ATP2B3: variants seen among roughly 807,000 people sequenced by gnomAD.
The protein encoded by ATP2B3 is ATPase plasma membrane Ca2+ transporting 3.
Under a neutral mutation model 70.8 loss-of-function variants are expected in ATP2B3, and 12 were observed. The ratio of observed to expected loss-of-function variants is 0.17; its 90% CI spans 0.11 to 0.27. The LOEUF is 0.27. ATP2B3 is among the 10% of genes least tolerant of loss of function. The pLI is 1.00. For synonymous variants in ATP2B3, 460 were observed against 497.8 expected, an observed-to-expected ratio of 0.92 and a Z score of 1.01; for missense variants, 858 against 1,118.5, an observed-to-expected ratio of 0.77 and a Z score of 3.32.
chrX:153,571,003 TACACACACAC>T (rs879951205), intron 21 of ATP2B3, among the ~76,000 whole-genome samples: 6 of 87,635 alleles, frequency 6.8e-5, no homozygotes, highest in Admixed American at 1.3e-4. Context: ...CGTGCGCGCG[TACACACACAC>T]ACACACACAC....
chrX:153,569,860 G>A, intron 21 of ATP2B3: 6 of 962,197 alleles, frequency 6.2e-6, no homozygotes, highest in South Asian at 4.5e-5. Flanking sequence ...TCCGCTCACC[G>A]TGGCTTTTCT....
chrX:153,557,196 C>T (rs781993531), intron 16 of ATP2B3, among the ~76,000 whole-genome samples, 173 bp downstream of exon 16: 3 of 111,813 alleles, frequency 2.7e-5, no homozygotes, highest in Non-Finnish European at 5.7e-5. Flanking sequence ...CTCTGCCAGT[C>T]GGGGGACATG....
chrX:153,558,103 C>A lies in ATP2B3; in HGVS notation c.2434-9C>A. 1 of 1,195,459 alleles carries A rather than the reference C, an allele frequency of 8.4e-7. No individual in the cohort carries two copies. The highest frequency in any genetic ancestry group is 2.2e-5 in the Admixed American group (1 of 44,986). On this transcript the variant is annotated splice_polypyrimidine_tract_variant and intron_variant, in intron 16 of 21. Coordinates refer to ENST00000263519, the MANE Select transcript of ATP2B3 (RefSeq NM_001001344.3). ...ACACTCTGTGTGAGTGTGTGTGTCA[C>A]CCCCCCAGGGCATCGCAGGGACCGA...
intron 21 of ATP2B3, among the ~76,000 whole-genome samples, chrX:153,571,901 C>T (rs917902065): frequency 1.8e-5 from 2 of 112,780 alleles, no homozygotes; most frequent in African/African-American, 6.4e-5. Context: ...AAGATGCTGG[C>T]TGGGGACCTG....
chrX:153,527,356 C>A (rs1557000217), intron 2 of ATP2B3, among the ~76,000 whole-genome samples: 1 of 113,168 alleles, frequency 8.8e-6, no homozygotes, highest in Admixed American at 9.2e-5. Context: ...GTCCCCATGC[C>A]GTCCCTGCCT....
chrX:153,565,149 G>A (rs782395742), intron 21 of ATP2B3, 46 bp downstream of exon 21: 2 of 1,130,487 alleles, frequency 1.8e-6, no homozygotes, highest in South Asian at 2.0e-5. Flanking sequence ...CCCCAAGAGG[G>A]TAGAGGCAAG....
At chrX:153,578,362 C>T (rs2090882383) in intron 21 of ATP2B3, among the ~76,000 whole-genome samples, 1 of 112,959 alleles carries the variant, frequency 8.9e-6, no homozygotes, top group East Asian at 2.8e-4. Context: ...GCTCCGTCTG[C>T]TGCCCCCTAT....
chrX:153,561,656 T>A (rs1261555754), intron 19 of ATP2B3, among the ~76,000 whole-genome samples: 1 of 112,159 alleles, frequency 8.9e-6, no homozygotes, highest in Non-Finnish European at 1.9e-5. Flanking sequence ...TCCCTGGCTG[T>A]CTGGTACCTG....
intron 13 of ATP2B3, among the ~76,000 whole-genome samples, chrX:153,555,096 G>A (rs1391836844): frequency 9.8e-5 from 11 of 111,889 alleles, no homozygotes; most frequent in Admixed American, 5.6e-4. Context: ...CAGAGAGTAC[G>A]AAGTGTCCCC....
chrX:153,533,754 G>A (rs1203389727), intron 2 of ATP2B3, among the ~76,000 whole-genome samples: 6 of 111,734 alleles, frequency 5.4e-5, no homozygotes, highest in African/African-American at 2.0e-4. Context: ...CTCCCCATGA[G>A]TCACTGTGGG....
At chrX:153,556,772 G>A in intron 15 of ATP2B3, 145 bp from the exon 16 acceptor site, 1 of 562,996 alleles carries the variant, frequency 1.8e-6, no homozygotes, top group African/African-American at 2.2e-5. Context: ...AGGTGACGGG[G>A]AGCACAGATA....
At position 153,535,665 on chromosome X, in the gene ATP2B3, G is replaced by A. The variant is rs970095495; in HGVS notation, c.-126-457G>A. 1.2e-4 allele frequency among the ~76,000 whole-genome samples: 13 copies of A among 112,602 alleles called. 1 individual carries two copies. The South Asian group carries it at 4.7e-3, about 41-fold the overall frequency. ...TCATGGCATGCCCGCTGCACAGGGC[G>A]CATCTTAACCAGGCAAGAGCAGGGA... is the stretch of plus-strand genomic sequence containing the variant. On this transcript the variant is annotated intron_variant, in intron 2 of 21. Coordinates refer to ENST00000263519, the MANE Select transcript of ATP2B3 (RefSeq NM_001001344.3).
chrX:153,521,827 C>T (rs1016835231), intron 2 of ATP2B3, among the ~76,000 whole-genome samples: 4 of 112,225 alleles, frequency 3.6e-5, no homozygotes, highest in Non-Finnish European at 5.6e-5. Flanking sequence ...TGGTGGCTAC[C>T]GTCACAGACA....
intron 8 of ATP2B3, among the ~76,000 whole-genome samples, chrX:153,547,128 G>A (rs1169684707): frequency 9.0e-6 from 1 of 111,633 alleles, no homozygotes; most frequent in Non-Finnish European, 1.9e-5. Context: ...AGAAGAGGGA[G>A]GTGGGGTGGC....
At chrX:153,559,022 T>A (rs1390004593) in intron 17 of ATP2B3, among the ~76,000 whole-genome samples, 3 of 74,514 alleles carry the variant, frequency 4.0e-5, no homozygotes, top group Admixed American at 1.8e-4. Flanking sequence ...CAACTTGGTC[T>A]TTTCAAAACA....
rs781847026 is a variant in ATP2B3, at chrX:153,550,085, A to G, written c.1622A>G (p.Asn541Ser). Reference protein sequence around the residue: ...KEGALPRQVGNKTECALLGFV... With the variant: ...KEGALPRQVGSKTECALLGFV... ...GGCGCCCTCCCACGCCAGGTGGGCA[A>G]TAAGACGGAGTGCGCCCTGCTGGGC... Residue 541 changes from asparagine to serine, a missense_variant, in exon 12 of 22, where the codon AAT (asparagine) becomes AGT (serine). Asn to Ser is a conservative substitution (Grantham distance 46). Coordinates refer to ENST00000263519, the MANE Select transcript of ATP2B3 (RefSeq NM_001001344.3). 1 of 1,212,214 alleles carries G rather than the reference A, an allele frequency of 8.2e-7. No individual in the cohort carries two copies. The highest frequency in any genetic ancestry group is 2.2e-5 in the Admixed American group (1 of 46,164).
At chrX:153,565,307 G>A (rs782077358) in intron 21 of ATP2B3, among the ~76,000 whole-genome samples, 117 of 113,378 alleles carry the variant, frequency 1.0e-3, no homozygotes, top group South Asian at 9.3e-3. Context: ...CACTGAGATC[G>A]CCTCTCCCTG....
intron 16 of ATP2B3, among the ~76,000 whole-genome samples, chrX:153,557,255 C>T (rs2090552847): frequency 8.9e-6 from 1 of 111,842 alleles, no homozygotes; most frequent in South Asian, 3.7e-4. Context: ...GGGCCCCAGA[C>T]ATACTGTGGA....
At chrX:153,540,986 G>A (rs1307011265) in intron 3 of ATP2B3, among the ~76,000 whole-genome samples, 1 of 112,121 alleles carries the variant, frequency 8.9e-6, no homozygotes, top group Non-Finnish European at 1.9e-5. Flanking sequence ...CCCCCTTGTT[G>A]GGTCCTGTCC....
Sources: allele counts gnomAD v4.1 joint callset (sites outside exome capture counted in the v4.1 genomes callset), GRCh38; gene constraint gnomAD v4.1.1; transcripts MANE v1.5; gene names NCBI Gene and HGNC (gene_info 2026-07-23, HGNC 2026-07-21).